Variants in DEPDC5 observed in about 807,000 individuals in gnomAD.
DEPDC5 encodes GATOR1 complex protein DEPDC5.
A neutral mutation model predicts 217.3 loss-of-function variants in DEPDC5; 73 were observed. The ratio of observed to expected loss-of-function variants is 0.34; its 90% CI spans 0.28 to 0.41. The LOEUF is 0.41. Among genes scored for constraint, DEPDC5 ranks in the 10% least tolerant of loss-of-function variants. DEPDC5 has a pLI of 1.00. For synonymous variants in DEPDC5, 733 were observed against 756.7 expected (o/e 0.97, Z 0.51); for missense variants, 1,675 against 2,070.1 (o/e 0.81, Z 3.70).
At chr22:31,784,610 A>G in intron 9 of DEPDC5, 2 of 439,184 alleles carry the variant, frequency 4.6e-6, no homozygotes, top group South Asian at 2.7e-5. Context: ...ACAAAGTGAG[A>G]CTCCCATCTC....
intron 11 of DEPDC5, among the ~76,000 whole-genome samples, chr22:31,792,380 C>T (rs547801709): frequency 5.4e-4 from 82 of 151,832 alleles, no homozygotes; most frequent in Non-Finnish European, 1.0e-3. Context: ...CTGAGGTGGG[C>T]GGATCACCTG....
intron 38 of DEPDC5, among the ~76,000 whole-genome samples, chr22:31,892,932 A>G (rs1432608474): frequency 2.7e-5 from 4 of 146,230 alleles, no homozygotes; most frequent in African/African-American, 1.0e-4. Flanking sequence ...CTGGAGTGCA[A>G]TGGCGCGATC....
At chr22:31,891,469 G>A (rs1254076087) in intron 38 of DEPDC5, 1 of 201,294 alleles carries the variant, frequency 5.0e-6, no homozygotes, top group Non-Finnish European at 1.0e-5. Flanking sequence ...TCTTTTGAGA[G>A]AATGGTGAGT....
intron 7 of DEPDC5, chr22:31,769,211 G>A: frequency 6.6e-6 from 1 of 151,664 alleles, no homozygotes; most frequent in Non-Finnish European, 1.4e-5. Flanking sequence ...AGTGAGCCGA[G>A]ATCACGCCAC....
chr22:31,788,264 ATTTTT>A (rs75378797), intron 10 of DEPDC5, among the ~76,000 whole-genome samples: 107 of 90,678 alleles, frequency 1.2e-3, no homozygotes, highest in South Asian at 2.8e-3. Flanking sequence ...GGATGACTGT[ATTTTT>A]TTTTTTTTTT....
chr22:31,809,752 G>T, intron 19 of DEPDC5, 105 bp downstream of exon 19: 2 of 1,191,966 alleles, frequency 1.7e-6, no homozygotes, highest in Non-Finnish European at 2.4e-6. Context: ...GGCCAAGGTT[G>T]GTGGATCACC....
At chr22:31,763,901 T>TTTATG (rs758883996) in intron 4 of DEPDC5, among the ~76,000 whole-genome samples, 8 of 152,212 alleles carry the variant, frequency 5.3e-5, no homozygotes, top group Non-Finnish European at 8.8e-5. Context: ...TGTTATGTTT[T>TTTATG]TTATGTTATG....
chr22:31,885,580 C>T (rs1395541968), intron 38 of DEPDC5, among the ~76,000 whole-genome samples: 1 of 151,410 alleles, frequency 6.6e-6, no homozygotes, highest in Non-Finnish European at 1.5e-5. Flanking sequence ...AAAAAATTAG[C>T]CAGGCATGGT....
At chr22:31,821,875 C>G (rs1157600028) in intron 23 of DEPDC5, among the ~76,000 whole-genome samples, 1 of 152,186 alleles carries the variant, frequency 6.6e-6, no homozygotes, top group East Asian at 1.9e-4. Context: ...TATTTTGAAT[C>G]CAGAACACAC....
chr22:31,892,873 A>ATTTTTTTTTTTTTTTTTTTTT (rs948740613), intron 38 of DEPDC5, among the ~76,000 whole-genome samples: 1 of 120,086 alleles, frequency 8.3e-6, no homozygotes, highest in Non-Finnish European at 1.7e-5. Flanking sequence ...TTGGTGGTGT[A>ATTTTTTTTTTTTTTTTTTTTT]TTTTTTTTTT....
chr22:31,890,116 C>T (rs1188855135), intron 38 of DEPDC5, among the ~76,000 whole-genome samples: 3 of 152,134 alleles, frequency 2.0e-5, no homozygotes, highest in African/African-American at 7.2e-5. Context: ...GAGGTCCACA[C>T]TCCTTTCTCA....
chr22:31,864,111 CTTT>C (rs71783325), intron 33 of DEPDC5, among the ~76,000 whole-genome samples: 2 of 141,418 alleles, frequency 1.4e-5, no homozygotes, highest in Non-Finnish European at 1.5e-5. Flanking sequence ...TGGATGCTTT[CTTT>C]TTTTTTTTTT....
chr22:31,773,751 CT>C (rs1397241811), intron 7 of DEPDC5, among the ~76,000 whole-genome samples: 1 of 152,172 alleles, frequency 6.6e-6, no homozygotes, highest in Non-Finnish European at 1.5e-5. Flanking sequence ...TGCAATTTAA[CT>C]TTCAATCTGG....
At chr22:31,802,873 G>T (rs1351756872) in intron 15 of DEPDC5, 35 bp downstream of exon 15, 1 of 1,549,478 alleles carries the variant, frequency 6.5e-7, no homozygotes, top group Admixed American at 1.9e-5. Context: ...GTCTCCACAT[G>T]TTCCTAGCCT....
intron 37 of DEPDC5, among the ~76,000 whole-genome samples, chr22:31,877,221 A>G (rs1302657454): frequency 1.3e-5 from 2 of 150,808 alleles, no homozygotes; most frequent in Non-Finnish European, 3.0e-5. Context: ...GGATTGCCTG[A>G]GCTCAGGAGT....
intron 33 of DEPDC5, among the ~76,000 whole-genome samples, chr22:31,864,514 A>ATATATATATATT (rs1298258070): frequency 7.2e-6 from 1 of 139,520 alleles, no homozygotes; most frequent in African/African-American, 2.7e-5. Flanking sequence ...ATATATATAT[A>ATATATATATATT]TATATATATA....
At position 31,906,167 on chromosome 22, in the gene DEPDC5, C is replaced by G. The variant is rs758778935; in HGVS notation, c.4520-38C>G. 93 of 1,612,674 alleles carry G rather than the reference C, an allele frequency of 5.8e-5. No individual in the cohort carries two copies. The highest frequency in any genetic ancestry group is 7.9e-5 in the Non-Finnish European group (93 of 1,179,128). On this transcript the variant is annotated intron_variant, in intron 42 of 42. Transcript: ENST00000651528. The surrounding 1 kb of genome is among the most constrained non-coding windows in gnomAD (Gnocchi z 5.1). ...ACCTCAGCAGGCTCCAGGAGCCCTC[C>G]TGGTGGCTGCCACACAGGCGCTCCC...
intron 35 of DEPDC5, among the ~76,000 whole-genome samples, 185 bp downstream of exon 35, chr22:31,873,517 G>GTT (rs911915797): frequency 7.0e-6 from 1 of 143,462 alleles, no homozygotes; most frequent in Non-Finnish European, 1.5e-5. Context: ...ATTGTTTTTT[G>GTT]TTTTTTTTTT....
intron 24 of DEPDC5, among the ~76,000 whole-genome samples, chr22:31,823,794 G>A (rs2089923256): frequency 6.6e-6 from 1 of 152,134 alleles, no homozygotes; most frequent in East Asian, 1.9e-4. Flanking sequence ...CAGAGAGGTA[G>A]AAATATTAAA....
Sources: allele counts gnomAD v4.1 joint callset (sites outside exome capture counted in the v4.1 genomes callset), GRCh38; gene constraint gnomAD v4.1.1; non-coding constraint Gnocchi (gnomAD v3.1); transcripts MANE v1.5; gene names NCBI Gene and HGNC (gene_info 2026-07-23, HGNC 2026-07-21).